The following UBA6 variants were observed in gnomAD, a reference collection of about 807,000 sequenced individuals.
UBA6 encodes the protein ubiquitin-like modifier-activating enzyme 6.
Under a neutral mutation model 148.3 loss-of-function variants are expected in UBA6, and 87 were observed. That is an observed-to-expected ratio of 0.59 (90% confidence interval 0.49 to 0.70). UBA6 has a LOEUF of 0.70. Ranked by LOEUF, UBA6 falls within the 30% of genes least tolerant of loss-of-function variation. The pLI is 0.00. For missense variants in UBA6, 1,186 were observed against 1,241.2 expected, an observed-to-expected ratio of 0.96 and a Z score of 0.67; for synonymous variants, 376 against 401.0, an observed-to-expected ratio of 0.94 and a Z score of 0.75.
At chr4:67,648,467 C>CAA (rs575104020) in intron 14 of UBA6, among the ~76,000 whole-genome samples, 1,243 of 104,256 alleles carry the variant, frequency 0.012, 20 homozygotes, top group African/African-American at 0.036. Context: ...GACTCTGTCT[C>CAA]AAAAAAAAAA....
intron 10 of UBA6, 143 bp downstream of exon 10, chr4:67,665,046 A>T: frequency 3.8e-6 from 2 of 522,476 alleles, no homozygotes; most frequent in South Asian, 7.2e-5. Flanking sequence ...ATTTCCCTCA[A>T]AGTGGGTACA....
At position 67,618,861 on chromosome 4, in the gene UBA6, A is replaced by C. The variant is rs1344665824; in HGVS notation, c.*136T>G. 1 of 866,602 alleles carries C rather than the reference A, an allele frequency of 1.2e-6. No individual in the cohort carries two copies. Among genetic ancestry groups the C allele is most frequent in the African/African-American group, 1.7e-5 (1 of 58,236 alleles). 53.7% of individuals were successfully genotyped at this position (866,602 alleles called of 1,614,324 possible). On this transcript the variant is annotated 3_prime_UTR_variant, in exon 33 of 33. Coordinates refer to ENST00000322244, the MANE Select transcript of UBA6 (RefSeq NM_018227.6). ...TTATAATTCTTCAGTGCAGTTTCTT[A>C]CTGATGTTTCCCTTAAAATTAAGGC...
chr4:67,634,364 T>C, intron 21 of UBA6, 42 bp from the exon 22 acceptor site: 1 of 1,558,116 alleles, frequency 6.4e-7, no homozygotes, highest in Non-Finnish European at 8.6e-7. Flanking sequence ...AATAGAAGTC[T>C]GTTTAAAGTC....
intron 16 of UBA6, among the ~76,000 whole-genome samples, chr4:67,645,396 C>T (rs920311123): frequency 5.3e-5 from 8 of 152,044 alleles, no homozygotes; most frequent in Non-Finnish European, 7.4e-5. Flanking sequence ...GTCAGGATTT[C>T]GAGACCAGCC....
chr4:67,622,406 G>A (rs1728771373), intron 32 of UBA6, among the ~76,000 whole-genome samples: 1 of 152,064 alleles, frequency 6.6e-6, no homozygotes, highest in African/African-American at 2.4e-5. Flanking sequence ...TTATTGTTAT[G>A]CAAACTCCTT....
At chr4:67,646,078 CATTAATACCA>C in intron 15 of UBA6, 62 bp from the exon 16 acceptor site, 1 of 889,200 alleles carries the variant, frequency 1.1e-6, no homozygotes, top group East Asian at 2.6e-5. Context: ...GTTTCACTGT[CATTAATACCA>C]ATTTAATGTT....
At chr4:67,674,082 T>C (rs1364910963) in intron 6 of UBA6, among the ~76,000 whole-genome samples, 1 of 152,232 alleles carries the variant, frequency 6.6e-6, no homozygotes, top group East Asian at 1.9e-4. Context: ...TGATTAGATT[T>C]GTTTCATCTA....
At position 67,626,432 on chromosome 4, in the gene UBA6, T is replaced by G. The variant is rs1056880475; in HGVS notation, c.2446A>C (p.Ile816Leu). ...GCATTCCTCTCATCTTCACTGCTAATAGGAACATGGTCTGGTTTCCTTGCA... is the reference window on the plus strand; with the variant it reads ...GCATTCCTCTCATCTTCACTGCTAAGAGGAACATGGTCTGGTTTCCTTGCA... ...ETARKPDHVP[I>L]SSEDERNAIF... Residue 816 changes from isoleucine (I) to leucine (L), a missense_variant, in exon 28 of 33, where the codon ATT becomes CTT. By Grantham distance (5) the Ile-to-Leu change is conservative (BLOSUM62 2). Coordinates refer to ENST00000322244, the MANE Select transcript of UBA6 (RefSeq NM_018227.6). 6.2e-7 allele frequency: 1 copy of G among 1,611,494 alleles called. No homozygotes were observed. The highest frequency in any genetic ancestry group is 8.5e-7 in the Non-Finnish European group (1 of 1,178,398).
At chr4:67,619,246 A>G (rs1324189978) in intron 32 of UBA6, 114 bp from the exon 33 acceptor site, 14 of 722,482 alleles carry the variant, frequency 1.9e-5, no homozygotes, top group Non-Finnish European at 2.7e-5. Flanking sequence ...TTAACATCTA[A>G]TAATAATCTG....
At chr4:67,658,300 G>A (rs2109928827) in intron 13 of UBA6, among the ~76,000 whole-genome samples, 1 of 152,162 alleles carries the variant, frequency 6.6e-6, no homozygotes, top group African/African-American at 2.4e-5. Flanking sequence ...GGTAGGGTAG[G>A]TATATAAGAG....
At position 67,677,633 on chromosome 4, in the gene UBA6, A is replaced by C; in HGVS notation, c.443T>G (p.Leu148Arg). Residue 148 changes from leucine (L) to arginine (R), a missense_variant, in exon 6 of 33, where the codon CTC becomes CGC. Coordinates refer to ENST00000322244, the MANE Select transcript of UBA6 (RefSeq NM_018227.6). ...AACCTGGTATTTATCTAAAAAGGAG[A>C]GATCTGTGGTCTCATTGAAAGGAAC... is the stretch of plus-strand genomic sequence containing the variant. Reference protein sequence around the residue: ...SSVPFNETTDLSFLDKYQCVV... With the variant: ...SSVPFNETTDRSFLDKYQCVV... The C allele has an allele frequency of 6.3e-7, 1 of 1,581,332 alleles. No homozygotes were observed. Among genetic ancestry groups the C allele is most frequent in the South Asian group, 1.1e-5 (1 of 88,696 alleles).
intron 2 of UBA6, among the ~76,000 whole-genome samples, chr4:67,686,240 T>C (rs980514206): frequency 5.3e-5 from 8 of 152,234 alleles, no homozygotes; most frequent in African/African-American, 1.9e-4. Flanking sequence ...GTCTAAATCC[T>C]TCTTTGATGT....
rs1367342130 is a variant in UBA6, at chr4:67,647,774, TG to T, written c.1249-984del. 8.7e-4 allele frequency among the ~76,000 whole-genome samples: 131 copies of T among 150,190 alleles called. 1 individual carries two copies. Among genetic ancestry groups the T allele is most frequent in the African/African-American group, 3.1e-3 (127 of 40,782 alleles). On this transcript the variant is annotated intron_variant, in intron 14 of 32. Transcript: ENST00000322244. The stretch of plus-strand genomic sequence containing the variant: ...AATTAATTTCTATTATTTCTCATGG[TG>T]TTTTTTTTTTTTTTTTGAGACAGAG...
intron 4 of UBA6, among the ~76,000 whole-genome samples, chr4:67,680,588 G>A (rs940880295): frequency 1.3e-5 from 2 of 152,178 alleles, no homozygotes; most frequent in African/African-American, 2.4e-5. Context: ...AATGTCTTAA[G>A]ACATTTGGGA....
intron 13 of UBA6, among the ~76,000 whole-genome samples, chr4:67,654,027 T>C (rs1286882506): frequency 6.6e-6 from 1 of 152,038 alleles, no homozygotes; most frequent in Non-Finnish European, 1.5e-5. Context: ...CCAAGAAATA[T>C]GGGACTATGT....
chr4:67,684,025 C>T (rs1384496398), intron 2 of UBA6, among the ~76,000 whole-genome samples: 1 of 152,146 alleles, frequency 6.6e-6, no homozygotes, highest in Non-Finnish European at 1.5e-5. Flanking sequence ...TGCAGTGAGC[C>T]AAGATCATGC....
intron 2 of UBA6, among the ~76,000 whole-genome samples, chr4:67,687,028 G>A (rs1290911702): frequency 2.2e-5 from 2 of 92,704 alleles, no homozygotes; most frequent in Non-Finnish European, 4.4e-5. Context: ...AAATCTTTAA[G>A]ACTATGTTTT....
At chr4:67,674,973 G>A (rs1199896865) in intron 6 of UBA6, among the ~76,000 whole-genome samples, 2 of 152,034 alleles carry the variant, frequency 1.3e-5, no homozygotes, top group Non-Finnish European at 2.9e-5. Flanking sequence ...AGGTTCAAGC[G>A]ATTCTCCTGC....
In UBA6 at chr4:67,660,347, T is replaced by C. The variant is rs560614562; in HGVS notation, c.1104+1842A>G. 1.4e-4 allele frequency among the ~76,000 whole-genome samples: 21 copies of C among 152,192 alleles called. No individual in the cohort carries two copies. In the South Asian group the frequency reaches 3.3e-3, roughly 24 times the overall value. The stretch of plus-strand genomic sequence containing the variant: ...TCCCATCACAGACCTGGAGGCCTAA[T>C]AGGAAAAAATGGTTTTGTGGGGTGG... On this transcript the variant is annotated intron_variant, in intron 13 of 32. Transcript: ENST00000322244.
Sources: gnomAD v4.1 joint callset for allele counts (sites outside exome capture counted in the v4.1 genomes callset) on GRCh38, gnomAD v4.1.1 for gene constraint, MANE v1.5 for transcripts, NCBI Gene and HGNC (gene_info 2026-07-23, HGNC 2026-07-21) for gene names.